CHRM2: variants seen among roughly 807,000 people sequenced by gnomAD.
CHRM2 encodes the protein cholinergic receptor muscarinic 2.
In CHRM2, 8 loss-of-function variants were observed where a neutral mutation model predicts 25.0. That is an observed-to-expected ratio of 0.32 (90% CI 0.19 to 0.58). CHRM2 has a LOEUF of 0.58. Ranked by LOEUF, CHRM2 falls within the 20% of genes least tolerant of loss-of-function variation. CHRM2 has a pLI of 0.88. For synonymous variants in CHRM2, 202 were observed against 205.7 expected, an observed-to-expected ratio of 0.98 and a Z score of 0.15; for missense variants, 440 against 567.1, an observed-to-expected ratio of 0.78 and a Z score of 2.28.
chr7:136,946,991 G>A (rs912852245), intron 2 of CHRM2, among the ~76,000 whole-genome samples: 5 of 152,152 alleles, frequency 3.3e-5, no homozygotes, highest in Admixed American at 1.3e-4. Context: ...GCCCAGGGGA[G>A]CAAAAGGTTT....
chr7:136,922,507 C>T (rs991080935), intron 2 of CHRM2, among the ~76,000 whole-genome samples: 9 of 152,150 alleles, frequency 5.9e-5, no homozygotes, highest in African/African-American at 2.2e-4. Context: ...GGATCTTCTG[C>T]CATAGCTTAC....
chr7:136,978,190 A>T (rs772670119), intron 2 of CHRM2, among the ~76,000 whole-genome samples: 2 of 152,014 alleles, frequency 1.3e-5, no homozygotes. Context: ...CACGCAATAA[A>T]TCTCCCTTTG....
chr7:136,893,824 T>C (rs1206253946), intron 2 of CHRM2, among the ~76,000 whole-genome samples: 4 of 152,108 alleles, frequency 2.6e-5, no homozygotes, highest in African/African-American at 4.8e-5. Flanking sequence ...CTCTATCCTC[T>C]CTGAAAAAAA....
intron 2 of CHRM2, among the ~76,000 whole-genome samples, chr7:136,984,005 C>T (rs1233218003): frequency 6.6e-6 from 1 of 152,178 alleles, no homozygotes; most frequent in East Asian, 1.9e-4. Flanking sequence ...AGCTGGCAGG[C>T]AGAAATGTTT....
At chr7:137,012,781 C>G (rs960794781) in intron 3 of CHRM2, among the ~76,000 whole-genome samples, 1 of 151,878 alleles carries the variant, frequency 6.6e-6, no homozygotes, top group African/African-American at 2.4e-5. Flanking sequence ...ATGACTCTAT[C>G]TGAAAGACAC....
chr7:136,877,581 T>C (rs1257687096), intron 2 of CHRM2, among the ~76,000 whole-genome samples: 1 of 152,054 alleles, frequency 6.6e-6, no homozygotes, highest in Non-Finnish European at 1.5e-5. Context: ...CTTCCTCTTC[T>C]TCTCTCCCAA....
At chr7:136,929,189 A>G (rs1422190235) in intron 2 of CHRM2, among the ~76,000 whole-genome samples, 2 of 152,068 alleles carry the variant, frequency 1.3e-5, no homozygotes, top group Non-Finnish European at 2.9e-5. Context: ...TAATTGAATT[A>G]GCCAAACATC....
At chr7:137,012,191 A>T (rs757333047) in intron 3 of CHRM2, among the ~76,000 whole-genome samples, 7 of 152,048 alleles carry the variant, frequency 4.6e-5, no homozygotes, top group Non-Finnish European at 8.8e-5. Flanking sequence ...TCAACTCCAA[A>T]CTGTCCATGA....
chr7:136,996,741 G>A (rs1332904319), intron 3 of CHRM2, among the ~76,000 whole-genome samples: 1 of 152,130 alleles, frequency 6.6e-6, no homozygotes, highest in African/African-American at 2.4e-5. Flanking sequence ...CCATAAAAAT[G>A]ATGCATTAGA....
chr7:136,898,601 T>C (rs1312623760), intron 2 of CHRM2, among the ~76,000 whole-genome samples: 5 of 151,946 alleles, frequency 3.3e-5, no homozygotes, highest in East Asian at 1.9e-4. Flanking sequence ...ACACTAATAG[T>C]TCTAGTGATG....
At chr7:136,908,275 A>G (rs185699719) in intron 2 of CHRM2, among the ~76,000 whole-genome samples, 174 of 151,978 alleles carry the variant, frequency 1.1e-3, no homozygotes, top group African/African-American at 4.0e-3. Flanking sequence ...GTCTTTAGTA[A>G]TTTGCTCAAG....
At chr7:136,940,753 T>A (rs12539659) in intron 2 of CHRM2, among the ~76,000 whole-genome samples, 36,833 of 152,134 alleles carry the variant, frequency 0.24, 5,725 homozygotes, top group Non-Finnish European at 0.35. Context: ...AAATTCTGGG[T>A]GTTAGGTACT....
At chr7:136,991,519 T>C (rs780376538) in intron 2 of CHRM2, among the ~76,000 whole-genome samples, 3 of 152,156 alleles carry the variant, frequency 2.0e-5, no homozygotes, top group Non-Finnish European at 4.4e-5. Context: ...AATACCAAAC[T>C]GTTTTGATTA....
At chr7:136,965,832 G>A (rs1801379621) in intron 2 of CHRM2, among the ~76,000 whole-genome samples, 1 of 151,818 alleles carries the variant, frequency 6.6e-6, no homozygotes, top group Non-Finnish European at 1.5e-5. Context: ...CAAAAGAATG[G>A]AATGTTGGAA....
intron 3 of CHRM2, among the ~76,000 whole-genome samples, chr7:136,993,198 C>T: frequency 6.6e-6 from 1 of 152,038 alleles, no homozygotes; most frequent in East Asian, 1.9e-4. Context: ...CACACAGACA[C>T]ATACAGTGAG....
chr7:136,914,122 T>C lies in CHRM2; in HGVS notation c.-125+44704T>C, dbSNP rs545127170. Reference sequence around the variant, plus strand: ...CAGGATTCCAAAAATACACATGTGATTGCTTACCTCCGCTTCCTTTTATTT... The same window carrying C: ...CAGGATTCCAAAAATACACATGTGACTGCTTACCTCCGCTTCCTTTTATTT... On this transcript the variant is annotated intron_variant, in intron 2 of 3. Coordinates refer to ENST00000680005, the MANE Select transcript of CHRM2 (RefSeq NM_001006630.2). 7 of 152,096 alleles carry C rather than the reference T, an allele frequency of 4.6e-5. No homozygotes were observed. In the East Asian group the frequency reaches 1.4e-3, roughly 29 times the overall value. 9.4% of individuals were successfully genotyped at this position (152,096 alleles called of 1,614,324 possible).
At chr7:136,908,176 A>T (rs781210328) in intron 2 of CHRM2, among the ~76,000 whole-genome samples, 1 of 151,942 alleles carries the variant, frequency 6.6e-6, no homozygotes, top group East Asian at 1.9e-4. Flanking sequence ...AAACCTCAAA[A>T]GAGCTGTATG....
In CHRM2 at chr7:136,899,558, A is replaced by G. The variant is rs1797086179; in HGVS notation, c.-125+30140A>G. On this transcript the variant is annotated intron_variant, in intron 2 of 3. Coordinates refer to ENST00000680005, the MANE Select transcript of CHRM2 (RefSeq NM_001006630.2). ...GAAGTATGATGTTTAAGTGTAATTCATGTCACATAGAGTCAGAAAATATGT... is the reference window on the plus strand; with the variant it reads ...GAAGTATGATGTTTAAGTGTAATTCGTGTCACATAGAGTCAGAAAATATGT... The G allele has an allele frequency of 1.3e-5, 2 of 152,112 alleles. 1 individual carries two copies. Among genetic ancestry groups the G allele is most frequent in the South Asian group, 4.1e-4 (2 of 4,836 alleles). The allele number at this position is 152,112 out of a possible 1,614,324, so 9.4% of individuals were successfully genotyped here.
chr7:136,965,279 C>A (rs1801340326), intron 2 of CHRM2, among the ~76,000 whole-genome samples: 1 of 151,882 alleles, frequency 6.6e-6, no homozygotes, highest in Non-Finnish European at 1.5e-5. Context: ...GTTAGGAGTC[C>A]ATTTTTTTTT....
Sources: gnomAD v4.1 joint callset for allele counts (sites outside exome capture counted in the v4.1 genomes callset) on GRCh38, gnomAD v4.1.1 for gene constraint, MANE v1.5 for transcripts, NCBI Gene and HGNC (gene_info 2026-07-23, HGNC 2026-07-21) for gene names.